The following ACYP2 variants were observed in gnomAD, a reference collection of about 807,000 sequenced individuals.
ACYP2 encodes the protein acylphosphatase 2, also known as acylphosphatase-2.
A neutral mutation model predicts 11.2 loss-of-function variants in ACYP2; 12 were observed. That is an observed-to-expected ratio of 1.08 (90% CI 0.69 to 1.74). The LOEUF (loss-of-function observed/expected upper bound fraction) is 1.74. ACYP2 is among the 40% of genes most tolerant of loss of function. ACYP2 has a pLI of 0.00. For missense variants in ACYP2, 134 were observed against 101.9 expected (o/e 1.31, Z -1.35); for synonymous variants, 43 against 32.2 (o/e 1.33, Z -1.13).
chr2:54,251,014 C>G (rs1042709140), intron 6 of ACYP2, among the ~76,000 whole-genome samples: 2 of 152,100 alleles, frequency 1.3e-5, no homozygotes, highest in Non-Finnish European at 2.9e-5. Flanking sequence ...TAGCATCATC[C>G]CTGTTGAACA....
intron 6 of ACYP2, among the ~76,000 whole-genome samples, chr2:54,218,304 C>A (rs994229400): frequency 6.6e-6 from 1 of 152,128 alleles, no homozygotes; most frequent in African/African-American, 2.4e-5. Context: ...ACTGATTGAC[C>A]TTTCTATCCT....
chr2:54,098,272 A>G (rs987025097), intron 4 of ACYP2, among the ~76,000 whole-genome samples: 10 of 152,034 alleles, frequency 6.6e-5, no homozygotes, highest in African/African-American at 2.4e-4. Context: ...CCTGGCCACA[A>G]TTTCTTAACA....
At chr2:54,265,807 A>C (rs1231051424) in intron 6 of ACYP2, among the ~76,000 whole-genome samples, 1 of 152,250 alleles carries the variant, frequency 6.6e-6, no homozygotes, top group African/African-American at 2.4e-5. Context: ...ACATAATAAT[A>C]GTGCCTACCT....
At chr2:54,065,496 G>A (rs1676699023) in intron 4 of ACYP2, 1 of 398,428 alleles carries the variant, frequency 2.5e-6, no homozygotes, top group Admixed American at 4.4e-5. Context: ...TTCAATGCTT[G>A]GCTATCCCTG....
chr2:53,973,631 A>T (rs1414759720), intron 1 of ACYP2: 1 of 200,648 alleles, frequency 5.0e-6, no homozygotes, highest in Admixed American at 5.9e-5. Context: ...CCCCCAAAAC[A>T]TTGCACTTAA....
At chr2:53,997,126 A>G (rs11886366) in intron 2 of ACYP2, among the ~76,000 whole-genome samples, 15,861 of 152,044 alleles carry the variant, frequency 0.1, 1,202 homozygotes, top group African/African-American at 0.21. Context: ...CTTCTACCCC[A>G]TTTGACAAAC....
intron 4 of ACYP2, among the ~76,000 whole-genome samples, chr2:54,128,056 C>A (rs899455342): frequency 1.3e-5 from 2 of 152,178 alleles, no homozygotes; most frequent in Admixed American, 1.3e-4. Flanking sequence ...TTATAAAGTG[C>A]TTCCCTTTTG....
At position 54,083,407 on chromosome 2, in the gene ACYP2, C is replaced by T. The variant is rs550083273; in HGVS notation, c.277+26047C>T. ...CACACCAGTCTTCTTTGTTCAATGA[C>T]ATTTTATCTGTGAGCCGTAAAGACT... On this transcript the variant is annotated intron_variant, in intron 4 of 6. Transcript: ENST00000607452. Among the ~76,000 whole-genome samples, 16 of 152,294 alleles carry T rather than the reference C, an allele frequency of 1.1e-4. No individual in the cohort carries two copies. In the South Asian group the frequency reaches 3.1e-3, roughly 30 times the overall value.
chr2:54,097,016 AT>A (rs1678631649), intron 4 of ACYP2, among the ~76,000 whole-genome samples: 1 of 152,166 alleles, frequency 6.6e-6, no homozygotes, highest in African/African-American at 2.4e-5. Flanking sequence ...AGCCTGAAAT[AT>A]TTTATTTTAA....
At chr2:54,158,613 C>T (rs753725712) in intron 6 of ACYP2, among the ~76,000 whole-genome samples, 9 of 152,162 alleles carry the variant, frequency 5.9e-5, no homozygotes, top group Non-Finnish European at 1.0e-4. Flanking sequence ...TGCTATTCCC[C>T]ATATTTTTGA....
At chr2:54,239,016 T>A (rs1318719081) in intron 6 of ACYP2, among the ~76,000 whole-genome samples, 1 of 152,074 alleles carries the variant, frequency 6.6e-6, no homozygotes, top group African/African-American at 2.4e-5. Context: ...TCTGGTCTTC[T>A]AAATGTCTTT....
chr2:54,036,244 G>A (rs1456397407), intron 2 of ACYP2, among the ~76,000 whole-genome samples: 2 of 152,136 alleles, frequency 1.3e-5, no homozygotes, highest in Non-Finnish European at 2.9e-5. Flanking sequence ...ACAGCAGTAT[G>A]CCACCACACC....
At chr2:54,291,719 A>G (rs541717852) in intron 6 of ACYP2, among the ~76,000 whole-genome samples, 2 of 152,346 alleles carry the variant, frequency 1.3e-5, no homozygotes, top group Non-Finnish European at 2.9e-5. Flanking sequence ...TCGGGGGCCA[A>G]CAATTCTGGT....
rs139920604 is a variant in ACYP2 at position 54,206,898 on chromosome 2, G to A, written c.404+68150G>A. Reference sequence around the variant, plus strand: ...CTTTGTAAATTTGATGGTAGCCAATGTTTTTCTCAAGTTATAAAATTTACA... The same window carrying A: ...CTTTGTAAATTTGATGGTAGCCAATATTTTTCTCAAGTTATAAAATTTACA... On this transcript the variant is annotated intron_variant, in intron 6 of 6. Coordinates refer to ENST00000607452, the MANE Select transcript of ACYP2 (RefSeq NM_001320586.2). 4.8e-3 allele frequency among the ~76,000 whole-genome samples: 726 copies of A among 152,172 alleles called. 10 individuals carry two copies. The highest frequency in any genetic ancestry group is 0.017 in the African/African-American group (690 of 41,518).
At chr2:54,108,139 T>G (rs962953983) in intron 4 of ACYP2, among the ~76,000 whole-genome samples, 6 of 152,226 alleles carry the variant, frequency 3.9e-5, no homozygotes, top group Non-Finnish European at 1.5e-5. Context: ...GCGACTGTGC[T>G]TATCACAGAA....
At chr2:54,174,216 G>A (rs1283353415) in intron 6 of ACYP2, among the ~76,000 whole-genome samples, 3 of 152,176 alleles carry the variant, frequency 2.0e-5, no homozygotes, top group African/African-American at 4.8e-5. Flanking sequence ...GTTGAGCAGT[G>A]ATTTGTAGTT....
chr2:54,014,142 G>T (rs1192580620), intron 2 of ACYP2, among the ~76,000 whole-genome samples: 1 of 150,520 alleles, frequency 6.6e-6, no homozygotes, highest in East Asian at 1.9e-4. Context: ...TGGCAGACAA[G>T]AGCAAAAAAA....
In ACYP2 at chr2:54,165,529, TCTCTCTCACACA is replaced by T. The variant is rs1322243880; in HGVS notation, c.404+26783_404+26794del. On this transcript the variant is annotated intron_variant, in intron 6 of 6. Coordinates refer to ENST00000607452, the MANE Select transcript of ACYP2 (RefSeq NM_001320586.2). Reference sequence around the variant, plus strand: ...CTCTCTCTTTCACTCTCTCTCTCTCTCTCTCTCACACACACACACACACACACACACACACAC... The same window carrying T: ...CTCTCTCTTTCACTCTCTCTCTCTCTCACACACACACACACACACACACAC... 4.0e-4 allele frequency among the ~76,000 whole-genome samples: 57 copies of T among 143,190 alleles called. 1 individual carries two copies. In the South Asian group the frequency reaches 4.5e-3, roughly 11 times the overall value. 93.9% of individuals were successfully genotyped at this position (143,190 alleles called of 152,430 possible).
At chr2:53,982,041 T>TA (rs1243480937) in intron 2 of ACYP2, among the ~76,000 whole-genome samples, 20 of 152,160 alleles carry the variant, frequency 1.3e-4, no homozygotes, top group African/African-American at 4.8e-4. Flanking sequence ...CATAATCAAA[T>TA]ATAGTAAAGA....
Sources: gnomAD v4.1 joint callset for allele counts (sites outside exome capture counted in the v4.1 genomes callset) on GRCh38, gnomAD v4.1.1 for gene constraint, MANE v1.5 for transcripts, NCBI Gene and HGNC (gene_info 2026-07-23, HGNC 2026-07-21) for gene names.